The following ADGB variants were observed in gnomAD, a reference collection of about 807,000 sequenced individuals.
ADGB encodes the protein androglobin.
ADGB carries 172 observed loss-of-function variants against 210.5 expected under a neutral mutation model. The observed-to-expected ratio is 0.82, with a 90% CI of 0.72 to 0.93. The LOEUF is 0.93. Among genes scored for constraint, ADGB ranks in the 40% least tolerant of loss-of-function variants. The probability of loss-of-function intolerance (pLI) is 0.00; values close to 1 mark genes in which losing one functional copy is unlikely to be tolerated. For missense variants in ADGB, 2,025 were observed against 1,964.8 expected, an observed-to-expected ratio of 1.03 and a Z score of -0.58; for synonymous variants, 658 against 662.7, an observed-to-expected ratio of 0.99 and a Z score of 0.11.
Position 146,692,859 on chromosome 6 carries a change from G to T in ADGB, c.1521G>T (p.Glu507Asp). Reference protein sequence around the residue: ...LIVKKPERFLEISSPFLNYRM... With the variant: ...LIVKKPERFLDISSPFLNYRM... Reference sequence around the variant, plus strand: ...TAAAGAAGCCTGAACGGTTCCTTGAGATTTCAAGTCCATTTTTGAATTATA... The same window carrying T: ...TAAAGAAGCCTGAACGGTTCCTTGATATTTCAAGTCCATTTTTGAATTATA... Residue 507 changes from glutamate to aspartate, a missense_variant, in exon 12 of 36, where the codon GAG becomes GAT. Transcript: ENST00000397944. 6.5e-7 allele frequency: 1 copy of T among 1,541,728 alleles called. No homozygotes were observed. The highest frequency in any genetic ancestry group is 1.4e-5 in the African/African-American group (1 of 72,786).
At chr6:146,788,251 C>A in intron 32 of ADGB, 138 bp from the exon 33 acceptor site, 1 of 772,962 alleles carries the variant, frequency 1.3e-6, no homozygotes, top group Non-Finnish European at 2.1e-6. Flanking sequence ...ATTACTTTTG[C>A]TAGTGCTCTG....
intron 27 of ADGB, among the ~76,000 whole-genome samples, chr6:146,757,322 T>C (rs1288150800): frequency 6.6e-6 from 1 of 151,966 alleles, no homozygotes; most frequent in Non-Finnish European, 1.5e-5. Context: ...AATTATTTTA[T>C]TGGGAATTTT....
At chr6:146,604,016 G>C (rs1478724735) in intron 1 of ADGB, among the ~76,000 whole-genome samples, 1 of 152,154 alleles carries the variant, frequency 6.6e-6, no homozygotes, top group Admixed American at 6.5e-5. Context: ...AGTTCACATA[G>C]CTCACACCAG....
intron 33 of ADGB, among the ~76,000 whole-genome samples, chr6:146,788,911 A>G (rs192337143): frequency 4.0e-4 from 61 of 152,292 alleles, no homozygotes; most frequent in African/African-American, 1.4e-3. Context: ...ATTCACACAT[A>G]CACTTCTCGT....
At chr6:146,647,538 T>A (rs182656051) in intron 3 of ADGB, among the ~76,000 whole-genome samples, 3 of 152,110 alleles carry the variant, frequency 2.0e-5, no homozygotes, top group Non-Finnish European at 4.4e-5. Flanking sequence ...TCTGATTTCA[T>A]TGAAAAATTT....
chr6:146,806,691 G>A (rs1778217141), intron 35 of ADGB, among the ~76,000 whole-genome samples: 1 of 152,128 alleles, frequency 6.6e-6, no homozygotes, highest in Non-Finnish European at 1.5e-5. Context: ...CTTATTCTTT[G>A]ATTATATTAC....
intron 11 of ADGB, among the ~76,000 whole-genome samples, 179 bp downstream of exon 11, chr6:146,691,469 T>A (rs9485113): frequency 1.9e-5 from 1 of 51,380 alleles, no homozygotes; most frequent in African/African-American, 2.2e-4. Context: ...AAAATATATA[T>A]ATATATAAAT....
chr6:146,725,984 T>A (rs1311688009), intron 18 of ADGB, 99 bp from the exon 19 acceptor site: 1 of 662,266 alleles, frequency 1.5e-6, no homozygotes, highest in African/African-American at 1.8e-5. Context: ...CCCTAACCTT[T>A]TACTTCATTT....
At position 146,776,029 on chromosome 6, in the gene ADGB, G is replaced by A. The variant is rs149449614; in HGVS notation, c.3863-5991G>A. The stretch of plus-strand genomic sequence containing the variant: ...AATTTTTACAATTTTTATATGTTTC[G>A]TTATCCACTGAAGATTTCTGTCTAC... On this transcript the variant is annotated intron_variant, in intron 29 of 35. Transcript: ENST00000397944. Among the ~76,000 whole-genome samples, 5 of 151,722 alleles carry A rather than the reference G, an allele frequency of 3.3e-5. No homozygotes were observed. In the East Asian group the frequency reaches 5.8e-4, roughly 18 times the overall value.
chr6:146,753,219 A>G (rs1399867296), intron 27 of ADGB, among the ~76,000 whole-genome samples: 6 of 152,086 alleles, frequency 3.9e-5, no homozygotes, highest in African/African-American at 1.2e-4. Flanking sequence ...AATGTAGCAT[A>G]TTTGGAAAAA....
chr6:146,730,758 G>A (rs190234604), intron 20 of ADGB, among the ~76,000 whole-genome samples: 7 of 152,142 alleles, frequency 4.6e-5, no homozygotes, highest in Admixed American at 2.6e-4. Flanking sequence ...GGCCAACGTG[G>A]TGAAACTCCA....
chr6:146,733,389 A>T, intron 21 of ADGB, 134 bp downstream of exon 21: 1 of 888,192 alleles, frequency 1.1e-6, no homozygotes, highest in South Asian at 2.8e-5. Flanking sequence ...GTGCTCTAAG[A>T]GCTCAAGGGG....
At chr6:146,625,935 GTTTAAA>G (rs1352625764) in intron 1 of ADGB, among the ~76,000 whole-genome samples, 1 of 151,856 alleles carries the variant, frequency 6.6e-6, no homozygotes, top group Non-Finnish European at 1.5e-5. Context: ...TGCTAAAACT[GTTTAAA>G]TTTATCATTT....
intron 30 of ADGB, among the ~76,000 whole-genome samples, chr6:146,784,402 T>C (rs550029348): frequency 6.6e-6 from 1 of 152,202 alleles, no homozygotes; most frequent in Non-Finnish European, 1.5e-5. Context: ...TTACAATTTG[T>C]TTATCCATTC....
intron 3 of ADGB, among the ~76,000 whole-genome samples, chr6:146,645,577 G>T (rs1402398688): frequency 6.6e-6 from 1 of 151,936 alleles, no homozygotes; most frequent in Non-Finnish European, 1.5e-5. Flanking sequence ...AAATTATTTA[G>T]AAGTAGTCAA....
At chr6:146,724,449 C>A in intron 18 of ADGB, 122 bp downstream of exon 18, 2 of 974,186 alleles carry the variant, frequency 2.1e-6, no homozygotes, top group Non-Finnish European at 2.9e-6. Flanking sequence ...TTTCTCAAGG[C>A]ATAGGTCCAT....
At chr6:146,736,786 A>G (rs1777085754) in intron 23 of ADGB, among the ~76,000 whole-genome samples, 195 bp downstream of exon 23, 2 of 152,204 alleles carry the variant, frequency 1.3e-5, no homozygotes, top group African/African-American at 4.8e-5. Context: ...TTAATTGCAC[A>G]TAACTAAAAT....
At position 146,733,129 on chromosome 6, in the gene ADGB, C is replaced by A; in HGVS notation, c.2530C>A (p.Leu844Ile). 6.6e-7 allele frequency: 1 copy of A among 1,514,240 alleles called. No individual in the cohort carries two copies. Among genetic ancestry groups the A allele is most frequent in the Non-Finnish European group, 8.9e-7 (1 of 1,129,058 alleles). The allele number at this position is 1,514,240 out of a possible 1,614,324, so 93.8% of individuals were successfully genotyped here. A position where few individuals can be genotyped will look rare whatever the true frequency, so the allele number is the denominator to read the frequency against. The change falls in exon 21 of 36, where the codon CTT becomes ATT. Residue 844 changes from leucine (L) to isoleucine (I), a missense_variant. Leu to Ile is a conservative substitution (Grantham distance 5). Coordinates refer to ENST00000397944, the MANE Select transcript of ADGB (RefSeq NM_024694.4). ...LTAQHFRVFHLSLWRLMKKVQ... is the reference protein window; with the variant it reads ...LTAQHFRVFHISLWRLMKKVQ... ...AATTTATGTGTTTCAGGTTTTTCAT[C>A]TTTCCTTATGGCGTTTAATGAAAAA...
chr6:146,610,552 G>A (rs1780692128), intron 1 of ADGB, among the ~76,000 whole-genome samples: 1 of 152,146 alleles, frequency 6.6e-6, no homozygotes. Flanking sequence ...GAGGGTTTGA[G>A]CATAGTATAA....
Sources: allele counts gnomAD v4.1 joint callset (sites outside exome capture counted in the v4.1 genomes callset), GRCh38; gene constraint gnomAD v4.1.1; transcripts MANE v1.5; gene names NCBI Gene and HGNC (gene_info 2026-07-23, HGNC 2026-07-21).